The following CSTPP1 variants were observed in gnomAD, a reference collection of about 807,000 sequenced individuals.
CSTPP1 encodes UPF0705 protein C11orf49.
At chr11:46,969,686 A>G in the CSTPP1 span, among the ~76,000 whole-genome samples, 2 of 152,216 alleles carry the variant, frequency 1.3e-5, no homozygotes, top group African/African-American at 4.8e-5. Flanking sequence ...TTATTCTGTA[A>G]TGAGATTGAA....
chr11:46,969,470 A>AT, the CSTPP1 span, among the ~76,000 whole-genome samples: 3 of 152,224 alleles, frequency 2.0e-5, no homozygotes, highest in Non-Finnish European at 4.4e-5. Context: ...AGCTGAACCT[A>AT]TGTATACCCT....
At chr11:47,044,379 T>C in the CSTPP1 span, among the ~76,000 whole-genome samples, 1 of 152,152 alleles carries the variant, frequency 6.6e-6, no homozygotes. Context: ...CCAATATATA[T>C]ACATGTGTAT....
chr11:47,007,013 T>C, the CSTPP1 span, among the ~76,000 whole-genome samples: 1 of 141,072 alleles, frequency 7.1e-6, no homozygotes, highest in Non-Finnish European at 1.6e-5. Context: ...TTTTTTTTTT[T>C]TTTTTTTTTT....
At chr11:46,990,909 T>G in the CSTPP1 span, among the ~76,000 whole-genome samples, 1 of 152,236 alleles carries the variant, frequency 6.6e-6, no homozygotes, top group South Asian at 2.1e-4. Context: ...TGCTTGTTTT[T>G]GTCAGCCTTG....
the CSTPP1 span, among the ~76,000 whole-genome samples, chr11:46,993,906 T>TGG: frequency 6.6e-6 from 1 of 152,222 alleles, no homozygotes; most frequent in Non-Finnish European, 1.5e-5. Flanking sequence ...TTCCCATCCA[T>TGG]GAGCATGGAA....
chr11:47,137,775 A>G, the CSTPP1 span: 2 of 1,571,618 alleles, frequency 1.3e-6, no homozygotes, highest in Non-Finnish European at 8.8e-7. Context: ...TCTGTGGGCC[A>G]CTGCTTCCTA....
chr11:47,009,670 G>T, the CSTPP1 span, among the ~76,000 whole-genome samples: 1 of 152,022 alleles, frequency 6.6e-6, no homozygotes, highest in African/African-American at 2.4e-5. Context: ...GGTGGCAGGC[G>T]CCTGTAATCC....
the CSTPP1 span, chr11:47,159,546 A>G: frequency 4.6e-6 from 2 of 433,904 alleles, no homozygotes; most frequent in Non-Finnish European, 4.6e-6. Flanking sequence ...GAGAGTCAGG[A>G]ATCAAGAGTA....
chr11:47,096,281 C>T, the CSTPP1 span, among the ~76,000 whole-genome samples: 4 of 152,164 alleles, frequency 2.6e-5, no homozygotes, highest in Admixed American at 6.5e-5. Context: ...ACCATCACCA[C>T]GCATTTCCAG....
chr11:47,102,911 G>C, the CSTPP1 span, among the ~76,000 whole-genome samples: 1 of 150,000 alleles, frequency 6.7e-6, no homozygotes, highest in Non-Finnish European at 1.5e-5. Flanking sequence ...TAAGGTAAGA[G>C]GTTTCTTTTT....
chr11:47,023,779 T>A, the CSTPP1 span, among the ~76,000 whole-genome samples: 1 of 152,232 alleles, frequency 6.6e-6, no homozygotes. Flanking sequence ...GTACCATGTA[T>A]CAGATTTCCT....
At chr11:46,991,309 T>TC in the CSTPP1 span, among the ~76,000 whole-genome samples, 1 of 152,014 alleles carries the variant, frequency 6.6e-6, no homozygotes. Flanking sequence ...ATTCCCTAGC[T>TC]CTTTTGCTGA....
the CSTPP1 span, chr11:47,161,805 A>T: frequency 7.1e-7 from 1 of 1,408,678 alleles, no homozygotes; most frequent in South Asian, 1.6e-5. Flanking sequence ...CAGCCCAGCC[A>T]GTGGCCCCGG....
the CSTPP1 span, among the ~76,000 whole-genome samples, chr11:47,122,083 AAAAAAAAAATATATATAT>A: frequency 4.2e-4 from 37 of 88,860 alleles, 1 homozygote; most frequent in Non-Finnish European, 9.8e-5. Flanking sequence ...AAAAAAAAAA[AAAAAAAAAATATATATAT>A]ATATATATAT....
the CSTPP1 span, chr11:47,161,142 A>AGG: frequency 6.2e-7 from 1 of 1,614,172 alleles, no homozygotes; most frequent in Non-Finnish European, 8.5e-7. Flanking sequence ...TTGCCTGACA[A>AGG]GGGGGATCTG....
At chr11:46,969,354 A>G in the CSTPP1 span, among the ~76,000 whole-genome samples, 1 of 152,216 alleles carries the variant, frequency 6.6e-6, no homozygotes, top group Non-Finnish European at 1.5e-5. Context: ...GTTTTATATA[A>G]CAGAAGATGG....
At chr11:47,078,208 T>C in the CSTPP1 span, among the ~76,000 whole-genome samples, 253 of 152,206 alleles carry the variant, frequency 1.7e-3, 8 homozygotes, top group East Asian at 0.039. Context: ...GAGGACTCAG[T>C]GAGTTTTGTT....
chr11:46,975,786 G>A, the CSTPP1 span, among the ~76,000 whole-genome samples: 3 of 152,196 alleles, frequency 2.0e-5, no homozygotes, highest in Admixed American at 2.0e-4. Flanking sequence ...TGATCTGAAA[G>A]TCTTTCAACT....
the CSTPP1 span, among the ~76,000 whole-genome samples, chr11:46,967,533 A>G: frequency 2.0e-5 from 3 of 152,004 alleles, no homozygotes; most frequent in African/African-American, 7.2e-5. Flanking sequence ...TGTTTTCGCT[A>G]TTTCATGTTT....
Sources: allele counts gnomAD v4.1 joint callset (sites outside exome capture counted in the v4.1 genomes callset), GRCh38; gene constraint gnomAD v4.1.1; transcripts MANE v1.5; gene names NCBI Gene and HGNC (gene_info 2026-07-23, HGNC 2026-07-21).